NUAK2: variants seen among roughly 807,000 people sequenced by gnomAD.
NUAK2 encodes NUAK family kinase 2, also known as NUAK family SNF1-like kinase 2.
NUAK2 carries 20 observed loss-of-function variants against 29.8 expected under a neutral mutation model. The ratio of observed to expected loss-of-function variants is 0.67; its 90% confidence interval spans 0.47 to 0.98. NUAK2 has a LOEUF of 0.98. NUAK2 is among the 50% of genes least tolerant of loss of function. The pLI, the probability that NUAK2 is intolerant of heterozygous loss-of-function variation, is 0.00. For missense variants in NUAK2, 719 were observed against 834.5 expected, an observed-to-expected ratio of 0.86 and a Z score of 1.71; for synonymous variants, 331 against 342.6, an observed-to-expected ratio of 0.97 and a Z score of 0.37.
chr1:205,321,366 CG>C, intron 1 of NUAK2, 31 bp downstream of exon 1: 1 of 1,577,472 alleles, frequency 6.3e-7, no homozygotes, highest in South Asian at 1.1e-5. Flanking sequence ...AGCCGGAGCC[CG>C]CCCCGCGCCG....
At chr1:205,310,550 TG>T (rs1307346105) in intron 2 of NUAK2, among the ~76,000 whole-genome samples, 3 of 152,068 alleles carry the variant, frequency 2.0e-5, no homozygotes, top group Non-Finnish European at 4.4e-5. Flanking sequence ...CAGATCCAGT[TG>T]GAGATATGAG....
Position 205,308,138 on chromosome 1 carries a change from CT to C in NUAK2, c.570+26del, listed in dbSNP as rs1662206915. 1.3e-6 allele frequency: 2 copies of C among 1,529,814 alleles called. No homozygotes were observed. 94.8% of individuals were successfully genotyped at this position (1,529,814 alleles called of 1,614,324 possible). Reference sequence around the variant, plus strand: ...AGAAAAGCTGGGGTGGGCAAGGAGGCTTCTAGAAATAAGAAGTGGGACTCAC... The same window carrying C: ...AGAAAAGCTGGGGTGGGCAAGGAGGCTCTAGAAATAAGAAGTGGGACTCAC... On this transcript the variant is annotated intron_variant, in intron 4 of 6. Transcript: ENST00000367157. This position sits in a 1 kb window ranked among gnomAD's most constrained non-coding sequence, Gnocchi z 4.1.
rs1662212883 is a variant in NUAK2, at chr1:205,308,559, G to A, written c.504+22C>T. ...CTGGGGACCACCCACTGAGAATATG[G>A]CTGGAGCAGGTAGGTGCTCACCTGA... On this transcript the variant is annotated intron_variant, in intron 3 of 6. Transcript: ENST00000367157. The surrounding 1 kb of genome is among the most constrained non-coding windows in gnomAD (Gnocchi z 4.1). 1 of 1,607,552 alleles carries A rather than the reference G, an allele frequency of 6.2e-7. No individual in the cohort carries two copies. Among genetic ancestry groups the A allele is most frequent in the African/African-American group, 1.3e-5 (1 of 74,904 alleles).
rs774916339 is a variant in NUAK2 at position 205,308,809 on chromosome 1, C to G, written c.353-77G>C. 4 of 1,539,680 alleles carry G rather than the reference C, an allele frequency of 2.6e-6. No homozygotes were observed. The highest frequency in any genetic ancestry group is 3.5e-6 in the Non-Finnish European group (4 of 1,127,540). ...CCACTGGGGGTGACTCACTCCTCCCCGACCCCAGGCCCCAAACCAGACAGG... is the reference window on the plus strand; with the variant it reads ...CCACTGGGGGTGACTCACTCCTCCCGGACCCCAGGCCCCAAACCAGACAGG... On this transcript the variant is annotated intron_variant, in intron 2 of 6. Transcript: ENST00000367157. The surrounding 1 kb of genome is among the most constrained non-coding windows in gnomAD (Gnocchi z 4.1).
In NUAK2 at chr1:205,308,542, C is replaced by A; in HGVS notation, c.504+39G>T. 1 of 1,599,696 alleles carries A rather than the reference C, an allele frequency of 6.3e-7. No individual in the cohort carries two copies. The highest frequency in any genetic ancestry group is 1.1e-5 in the South Asian group (1 of 90,668). The stretch of plus-strand genomic sequence containing the variant: ...AAAACAGCCCTAGAGCCCTGGGGAC[C>A]ACCCACTGAGAATATGGCTGGAGCA... On this transcript the variant is annotated intron_variant, in intron 3 of 6. Coordinates refer to ENST00000367157, the MANE Select transcript of NUAK2 (RefSeq NM_030952.3). The surrounding 1 kb of genome is among the most constrained non-coding windows in gnomAD (Gnocchi z 4.1).
intron 1 of NUAK2, among the ~76,000 whole-genome samples, 174 bp from the exon 2 acceptor site, chr1:205,311,999 A>G (rs1216214580): frequency 6.6e-6 from 1 of 152,222 alleles, no homozygotes; most frequent in Non-Finnish European, 1.5e-5. Context: ...CTTTCTCTAG[A>G]AAAAGATCTC....
At chr1:205,319,749 C>A (rs538878184) in intron 1 of NUAK2, among the ~76,000 whole-genome samples, 7 of 152,114 alleles carry the variant, frequency 4.6e-5, no homozygotes, top group Non-Finnish European at 1.0e-4. Flanking sequence ...CTGTGCCAGG[C>A]GATAGCAGGA....
chr1:205,319,533 C>A (rs1421988170), intron 1 of NUAK2, among the ~76,000 whole-genome samples: 2 of 152,122 alleles, frequency 1.3e-5, no homozygotes, highest in African/African-American at 4.8e-5. Flanking sequence ...CCAGTCCCCA[C>A]GACCCAGTGT....
chr1:205,315,529 C>A (rs1404446278), intron 1 of NUAK2, among the ~76,000 whole-genome samples: 1 of 152,100 alleles, frequency 6.6e-6, no homozygotes, highest in African/African-American at 2.4e-5. Flanking sequence ...TTTTTAGGGA[C>A]CTTTGTTCTC....
intron 5 of NUAK2, chr1:205,305,548 G>A (rs1286561594): frequency 3.1e-6 from 3 of 982,436 alleles, no homozygotes; most frequent in Non-Finnish European, 1.2e-6. Context: ...CATCTCTTCC[G>A]GGCTGGGGAA....
chr1:205,321,632 G>A lies in NUAK2; in HGVS notation c.-4C>T, dbSNP rs565132612. ...GCGCGAAAACCAGCGACTCCATGGC[G>A]AGCAGGAGGTGAGCAAGGGCGGCAG... On this transcript the variant is annotated 5_prime_UTR_variant, in exon 1 of 7. Coordinates refer to ENST00000367157, the MANE Select transcript of NUAK2 (RefSeq NM_030952.3). 22 of 1,607,160 alleles carry A rather than the reference G, an allele frequency of 1.4e-5. No homozygotes were observed. The highest frequency in any genetic ancestry group is 6.7e-5 in the Admixed American group (4 of 59,862).
At chr1:205,311,964 T>A in intron 1 of NUAK2, 139 bp from the exon 2 acceptor site, 4 of 1,104,998 alleles carry the variant, frequency 3.6e-6, no homozygotes, top group South Asian at 1.5e-5. Context: ...TTCACCAGTG[T>A]AGGTGGCAGA....
At chr1:205,305,151 T>C in intron 6 of NUAK2, 48 bp downstream of exon 6, 1 of 1,592,716 alleles carries the variant, frequency 6.3e-7, no homozygotes, top group African/African-American at 1.3e-5. Flanking sequence ...TAGGAATGAG[T>C]GAAGGACACC....
chr1:205,303,593 C>T lies in NUAK2; in HGVS notation c.1744G>A (p.Glu582Lys). The T allele has an allele frequency of 6.2e-7, 1 of 1,612,880 alleles. No individual in the cohort carries two copies. The highest frequency in any genetic ancestry group is 1.3e-5 in the African/African-American group (1 of 75,030). The change falls in exon 7 of 7, where the codon GAG (glutamate) becomes AAG (lysine). Residue 582 changes from glutamate to lysine, a missense_variant. Transcript: ENST00000367157. Reference sequence around the variant, plus strand: ...CTTCCAGGGCCCTCTGAGGGGGGCTCCTCAAGCCCCGTGAGGTTGTCCACA... The same window carrying T: ...CTTCCAGGGCCCTCTGAGGGGGGCTTCTCAAGCCCCGTGAGGTTGTCCACA... ...VSVDNLTGLE[E>K]PPSEGPGSCL...
rs1309232143 is a variant in NUAK2 at position 205,308,392 on chromosome 1, G to A, written c.505-162C>T. On this transcript the variant is annotated intron_variant, in intron 3 of 6. Coordinates refer to ENST00000367157, the MANE Select transcript of NUAK2 (RefSeq NM_030952.3). This position sits in a 1 kb window ranked among gnomAD's most constrained non-coding sequence, Gnocchi z 4.1. ...ATCGGTATGTGCTGCAAGAAATCACGGGCCCTTCTATCCGCGGAGAAGGGA... is the reference window on the plus strand; with the variant it reads ...ATCGGTATGTGCTGCAAGAAATCACAGGCCCTTCTATCCGCGGAGAAGGGA... Among the ~76,000 whole-genome samples the A allele has an allele frequency of 3.9e-5, 6 of 152,026 alleles. No homozygotes were observed. Among genetic ancestry groups the A allele is most frequent in the South Asian group, 2.1e-4 (1 of 4,812 alleles).
Position 205,303,683 on chromosome 1 carries a change from CAG to C in NUAK2, c.1652_1653del (p.Ser551Ter). 6.4e-7 allele frequency: 1 copy of C among 1,553,328 alleles called. No individual in the cohort carries two copies. Among genetic ancestry groups the C allele is most frequent in the Non-Finnish European group, 8.7e-7 (1 of 1,151,278 alleles). ...GAVSEDSILS[S>X]ESFDQLDLPE... ...GGCAAGTCCAGCTGGTCAAAGGACTCAGAGGACAGGATGCTGTCCTCGCTCAC... is the reference window on the plus strand; with the variant it reads ...GGCAAGTCCAGCTGGTCAAAGGACTCAGGACAGGATGCTGTCCTCGCTCAC... On this transcript the variant is annotated frameshift_variant, in exon 7 of 7. Coordinates refer to ENST00000367157, the MANE Select transcript of NUAK2 (RefSeq NM_030952.3). LOFTEE classifies it low-confidence loss of function (END_TRUNC).
At chr1:205,316,867 A>G (rs1662335195) in intron 1 of NUAK2, among the ~76,000 whole-genome samples, 1 of 152,156 alleles carries the variant, frequency 6.6e-6, no homozygotes, top group Non-Finnish European at 1.5e-5. Flanking sequence ...TTAATTCCTC[A>G]TTCTATTTTG....
intron 1 of NUAK2, among the ~76,000 whole-genome samples, chr1:205,317,311 T>C (rs965338486): frequency 2.0e-5 from 3 of 152,212 alleles, no homozygotes; most frequent in Admixed American, 6.5e-5. Context: ...TCTCTGGTCA[T>C]AGTTATCACC....
At position 205,315,664 on chromosome 1, in the gene NUAK2, G is replaced by T. The variant is rs184184666; in HGVS notation, c.232-3839C>A. ...GAGGCGGGCAAATCACTCGAGGCCA[G>T]AAGTTCAAGACCAACCTGGCCAACG... On this transcript the variant is annotated intron_variant, in intron 1 of 6. Coordinates refer to ENST00000367157, the MANE Select transcript of NUAK2 (RefSeq NM_030952.3). Among the ~76,000 whole-genome samples, 20 of 152,262 alleles carry T rather than the reference G, an allele frequency of 1.3e-4. No homozygotes were observed. In the East Asian group the frequency reaches 3.9e-3, roughly 29 times the overall value.
Sources: allele counts gnomAD v4.1 joint callset (sites outside exome capture counted in the v4.1 genomes callset), GRCh38; gene constraint gnomAD v4.1.1; non-coding constraint Gnocchi (gnomAD v3.1); transcripts MANE v1.5; gene names NCBI Gene and HGNC (gene_info 2026-07-23, HGNC 2026-07-21).